DCDC2: variants seen among roughly 807,000 people sequenced by gnomAD.
The protein encoded by DCDC2 is doublecortin domain-containing protein 2.
In DCDC2, 40 loss-of-function variants were observed where a neutral mutation model predicts 50.2. That is an observed-to-expected ratio of 0.80 (90% CI 0.62 to 1.04). The LOEUF (loss-of-function observed/expected upper bound fraction) is 1.04. Ranked by LOEUF, DCDC2 falls within the 50% of genes least tolerant of loss-of-function variation. DCDC2 has a pLI of 0.00. For missense variants in DCDC2, 570 were observed against 581.9 expected (o/e 0.98, Z 0.21); for synonymous variants, 234 against 210.6 (o/e 1.11, Z -0.96).
chr6:24,217,033 G>C (rs9467080), intron 7 of DCDC2, among the ~76,000 whole-genome samples: 42,111 of 151,926 alleles, frequency 0.28, 6,064 homozygotes, highest in African/African-American at 0.36. Context: ...TTGCACGCCT[G>C]AATGAAAGCA....
intron 7 of DCDC2, among the ~76,000 whole-genome samples, chr6:24,207,974 C>T (rs775215867): frequency 2.0e-4 from 31 of 152,126 alleles, no homozygotes; most frequent in Non-Finnish European, 4.1e-4. Context: ...TCTAACCAAC[C>T]CTGTATGTCA....
At chr6:24,202,655 A>G (rs1761613231) in intron 8 of DCDC2, among the ~76,000 whole-genome samples, 1 of 152,202 alleles carries the variant, frequency 6.6e-6, no homozygotes, top group Non-Finnish European at 1.5e-5. Flanking sequence ...AGAGAAAGAA[A>G]GGGTATTCAA....
intron 7 of DCDC2, among the ~76,000 whole-genome samples, chr6:24,253,142 A>C (rs372469753): frequency 2.0e-5 from 3 of 152,272 alleles, no homozygotes; most frequent in East Asian, 3.9e-4. Context: ...AAAAAGAGTA[A>C]GTTAAACTCA....
the DCDC2 span, among the ~76,000 whole-genome samples, chr6:24,369,792 C>T: frequency 6.6e-6 from 1 of 152,084 alleles, no homozygotes; most frequent in African/African-American, 2.4e-5. Flanking sequence ...TATATTCCAG[C>T]ACTTTGGGAG....
intron 7 of DCDC2, among the ~76,000 whole-genome samples, chr6:24,217,967 A>G (rs1762019124): frequency 6.6e-6 from 1 of 152,236 alleles, no homozygotes; most frequent in Admixed American, 6.5e-5. Context: ...AATTTTCCGT[A>G]AGATACATTT....
chr6:24,178,541 T>C lies in DCDC2; in HGVS notation c.1115A>G (p.Asp372Gly). Residue 372 changes from aspartate (D) to glycine (G), a missense_variant, in exon 9 of 10, where the codon GAC (aspartate) becomes GGC (glycine). Coordinates refer to ENST00000378454, the MANE Select transcript of DCDC2 (RefSeq NM_016356.5). ...CTCCCTACCTCCTTCCTCTTCAAGG[T>C]CACCATTCATTCCTGAAAAGTCTTC... ...QKEDFSGMNG[D>G]LEEEGGREAT... The C allele has an allele frequency of 6.2e-7, 1 of 1,614,128 alleles. No homozygotes were observed. Among genetic ancestry groups the C allele is most frequent in the Non-Finnish European group, 8.5e-7 (1 of 1,180,026 alleles).
chr6:24,253,581 T>A (rs1026133739), intron 7 of DCDC2, among the ~76,000 whole-genome samples: 1 of 152,180 alleles, frequency 6.6e-6, no homozygotes. Flanking sequence ...CTATAGCCTA[T>A]TGCTCCTACA....
At chr6:24,281,068 G>A (rs564628936) in intron 6 of DCDC2, among the ~76,000 whole-genome samples, 16 of 152,176 alleles carry the variant, frequency 1.1e-4, no homozygotes, top group East Asian at 7.7e-4. Context: ...TCTGGAGTGC[G>A]TGTCTTTCTA....
At chr6:24,285,089 C>T (rs1007561070) in intron 6 of DCDC2, among the ~76,000 whole-genome samples, 1 of 152,028 alleles carries the variant, frequency 6.6e-6, no homozygotes, top group Non-Finnish European at 1.5e-5. Context: ...CACCATAAAT[C>T]TAAGTCCTCA....
chr6:24,288,970 T>A, intron 5 of DCDC2, 64 bp from the exon 6 acceptor site: 1 of 1,262,638 alleles, frequency 7.9e-7, no homozygotes, highest in Non-Finnish European at 1.1e-6. Context: ...CAATGCAAGA[T>A]AATTATCATC....
chr6:24,181,195 G>C (rs1761063672), intron 8 of DCDC2, among the ~76,000 whole-genome samples: 1 of 152,230 alleles, frequency 6.6e-6, no homozygotes, highest in Non-Finnish European at 1.5e-5. Context: ...CTCAGGTCCA[G>C]AGGGGAATGG....
chr6:24,229,263 AG>A (rs1762291919), intron 7 of DCDC2, among the ~76,000 whole-genome samples: 1 of 152,204 alleles, frequency 6.6e-6, no homozygotes, highest in Non-Finnish European at 1.5e-5. Flanking sequence ...TTCCTGTTGT[AG>A]AAGCCATCTT....
chr6:24,358,943 A>ATATTATATATTATATATTATATATT (rs1561788624), upstream of DCDC2, among the ~76,000 whole-genome samples: 94 of 54,242 alleles, frequency 1.7e-3, 1 homozygote, highest in African/African-American at 8.9e-3. Context: ...TATTTTATAT[A>ATATTATATATTATATATTATATATT]TTATATATTA....
At chr6:24,190,714 A>G (rs1416710806) in intron 8 of DCDC2, among the ~76,000 whole-genome samples, 1 of 152,228 alleles carries the variant, frequency 6.6e-6, no homozygotes, top group Non-Finnish European at 1.5e-5. Context: ...GACAATGCAT[A>G]GATAAATTAA....
chr6:24,271,577 TCCCTGACCTGGAGG>T (rs1000317968), intron 7 of DCDC2, among the ~76,000 whole-genome samples: 1 of 152,104 alleles, frequency 6.6e-6, no homozygotes, highest in African/African-American at 2.4e-5. Flanking sequence ...CCCAGATGGA[TCCCTGACCTGGAGG>T]CTCTGGCCTA....
upstream of DCDC2, among the ~76,000 whole-genome samples, chr6:24,358,930 A>T (rs1477581941): frequency 2.4e-4 from 7 of 29,490 alleles, no homozygotes; most frequent in African/African-American, 1.1e-3. Context: ...ATTATATATT[A>T]TATATTTTAT....
intron 6 of DCDC2, among the ~76,000 whole-genome samples, chr6:24,283,954 C>G (rs1763535179): frequency 2.6e-5 from 4 of 152,208 alleles, no homozygotes; most frequent in Admixed American, 2.6e-4. Flanking sequence ...CACCCTCTCT[C>G]ACTTCCTCTT....
intron 7 of DCDC2, among the ~76,000 whole-genome samples, chr6:24,255,933 C>A (rs1021541430): frequency 6.6e-6 from 1 of 151,958 alleles, no homozygotes; most frequent in Non-Finnish European, 1.5e-5. Context: ...AGAGGAAAAT[C>A]GAAAGAACAT....
chr6:24,228,386 T>C (rs1211556836), intron 7 of DCDC2, among the ~76,000 whole-genome samples: 2 of 152,232 alleles, frequency 1.3e-5, no homozygotes, highest in African/African-American at 4.8e-5. Context: ...TTTGTAAAGT[T>C]AAGTCTAACG....
Sources: gnomAD v4.1 joint callset for allele counts (sites outside exome capture counted in the v4.1 genomes callset) on GRCh38, gnomAD v4.1.1 for gene constraint, MANE v1.5 for transcripts, NCBI Gene and HGNC (gene_info 2026-07-23, HGNC 2026-07-21) for gene names.